RIN2: variants seen among roughly 807,000 people sequenced by gnomAD.
RIN2 encodes RAB5 interacting protein 2.
In RIN2, 36 loss-of-function variants were observed where a neutral mutation model predicts 78.0. The observed-to-expected ratio is 0.46, with a 90% CI of 0.35 to 0.61. The LOEUF (loss-of-function observed/expected upper bound fraction) is 0.61. Among genes scored for constraint, RIN2 ranks in the 20% least tolerant of loss-of-function variants. The pLI is 0.00. For synonymous variants in RIN2, 466 were observed against 466.8 expected (o/e 1.00, Z 0.02); for missense variants, 1,087 against 1,159.7 (o/e 0.94, Z 0.91).
At chr20:19,963,270 C>T (rs1052099318) in intron 6 of RIN2, among the ~76,000 whole-genome samples, 11 of 151,860 alleles carry the variant, frequency 7.2e-5, no homozygotes, top group African/African-American at 4.8e-5. Context: ...ATATGTGTAG[C>T]GGTATGGATG....
intron 4 of RIN2, among the ~76,000 whole-genome samples, chr20:19,936,773 G>C (rs2040661912): frequency 6.6e-6 from 1 of 152,176 alleles, no homozygotes; most frequent in Admixed American, 6.5e-5. Context: ...ACTGTAAGCA[G>C]TCCACAACAG....
At chr20:19,836,815 T>C (rs1037291212) in intron 2 of RIN2, among the ~76,000 whole-genome samples, 12 of 152,216 alleles carry the variant, frequency 7.9e-5, no homozygotes, top group Non-Finnish European at 1.2e-4. Flanking sequence ...CCTATAATCT[T>C]GCTGAACTTA....
chr20:19,772,516 T>C (rs1301224828), intron 1 of RIN2, among the ~76,000 whole-genome samples: 1 of 152,160 alleles, frequency 6.6e-6, no homozygotes, highest in Non-Finnish European at 1.5e-5. Flanking sequence ...GACTGAACAG[T>C]TTGGGTGCCA....
rs71198030 is a variant in RIN2 at position 19,869,792 on chromosome 20, TTTTA to T, written c.-36-19735_-36-19732del. On this transcript the variant is annotated intron_variant, in intron 2 of 12. Coordinates refer to ENST00000255006, the MANE Select transcript of RIN2 (RefSeq NM_018993.4). Reference sequence around the variant, plus strand: ...GGTGTGCACCACCATGCCTGGCTAATTTTATTTATTTATTTATTTATTTATTTAT... The same window carrying T: ...GGTGTGCACCACCATGCCTGGCTAATTTTATTTATTTATTTATTTATTTAT... 5.3e-3 allele frequency among the ~76,000 whole-genome samples: 723 copies of T among 136,436 alleles called. 3 individuals carry two copies. Among genetic ancestry groups the T allele is most frequent in the East Asian group, 0.011 (49 of 4,586 alleles). The allele number at this position is 136,436 out of a possible 152,430, so 89.5% of individuals were successfully genotyped here.
chr20:19,921,143 A>C (rs2039900857), intron 3 of RIN2, among the ~76,000 whole-genome samples: 1 of 152,188 alleles, frequency 6.6e-6, no homozygotes, highest in Non-Finnish European at 1.5e-5. Context: ...GGCAAGGTGG[A>C]GCCCACTTTG....
intron 4 of RIN2, among the ~76,000 whole-genome samples, chr20:19,948,339 C>T (rs531955192): frequency 2.6e-4 from 40 of 152,240 alleles, no homozygotes; most frequent in South Asian, 4.1e-4. Flanking sequence ...TAAACCAATC[C>T]CATCCTAGCT....
At chr20:19,766,424 G>A (rs1226951310) in intron 1 of RIN2, among the ~76,000 whole-genome samples, 5 of 152,030 alleles carry the variant, frequency 3.3e-5, no homozygotes, top group Admixed American at 1.3e-4. Flanking sequence ...CAAAGAACAG[G>A]GCTAGGAAAG....
In RIN2 at chr20:19,785,947, T is replaced by C. The variant is rs1019169482; in HGVS notation, c.-162-13675T>C. The stretch of plus-strand genomic sequence containing the variant: ...GTAACACATGTGATAGTTTCTTCCC[T>C]GCCTCTGTGTGACCACAAGCAGCTT... On this transcript the variant is annotated intron_variant, in intron 1 of 12. Transcript: ENST00000255006. Among the ~76,000 whole-genome samples, 9 of 152,256 alleles carry C rather than the reference T, an allele frequency of 5.9e-5. No individual in the cohort carries two copies. The East Asian group carries it at 1.7e-3, about 29-fold the overall frequency.
Position 19,992,282 on chromosome 20 carries a change from C to A in RIN2, c.2183C>A (p.Ser728Ter). Residue 728 changes from serine to a stop codon, truncating the protein, a stop_gained, in exon 11 of 13, where the codon TCG becomes TAG. Transcript: ENST00000255006. LOFTEE classifies it high-confidence loss of function. ...TACATGATGGAGCTCCTAGACCCATCGCTGTTACATGGAGAAGGTAACTGC... is the reference window on the plus strand; with the variant it reads ...TACATGATGGAGCTCCTAGACCCATAGCTGTTACATGGAGAAGGTAACTGC... Reference protein sequence around the residue: ...IEYMMELLDPSLLHGEGGYYL... With the variant: ...IEYMMELLDP The A allele has an allele frequency of 6.4e-7, 1 of 1,571,154 alleles. No individual in the cohort carries two copies. Among genetic ancestry groups the A allele is most frequent in the Non-Finnish European group, 8.6e-7 (1 of 1,156,924 alleles).
intron 2 of RIN2, among the ~76,000 whole-genome samples, chr20:19,813,582 C>A (rs2035670735): frequency 6.7e-6 from 1 of 150,264 alleles, no homozygotes; most frequent in Non-Finnish European, 1.5e-5. Context: ...ATAGGAATTA[C>A]AAAATGAAGT....
chr20:19,874,074 GTGTGTGTGTGTT>G (rs1309902093), intron 2 of RIN2, among the ~76,000 whole-genome samples: 1 of 151,950 alleles, frequency 6.6e-6, no homozygotes, highest in Non-Finnish European at 1.5e-5. Context: ...GTGTGTGTGT[GTGTGTGTGTGTT>G]TGTGTGTGTT....
chr20:19,862,610 AAACAAACAAAC>A (rs2037377813), intron 2 of RIN2, among the ~76,000 whole-genome samples: 1 of 152,058 alleles, frequency 6.6e-6, no homozygotes, highest in African/African-American at 2.4e-5. Flanking sequence ...ACAAACAAAC[AAACAAACAAAC>A]AAGCAAAAAC....
Position 19,975,893 on chromosome 20 carries a change from C to A in RIN2, c.1762+106C>A. On this transcript the variant is annotated intron_variant, in intron 9 of 12. Coordinates refer to ENST00000255006, the MANE Select transcript of RIN2 (RefSeq NM_018993.4). The surrounding 1 kb of genome is among the most constrained non-coding windows in gnomAD (Gnocchi z 4.9). ...AAGTTTACTCCGAAGTTCAAAACAA[C>A]ACCCAGCTCCACCTTCTCTCCCGGT... 1.0e-6 allele frequency: 1 copy of A among 997,636 alleles called. No individual in the cohort carries two copies. The highest frequency in any genetic ancestry group is 1.5e-6 in the Non-Finnish European group (1 of 647,994). The allele number at this position is 997,636 out of a possible 1,614,324, so 61.8% of individuals were successfully genotyped here.
intron 3 of RIN2, among the ~76,000 whole-genome samples, chr20:19,902,668 G>A (rs1429703474): frequency 6.6e-6 from 1 of 152,158 alleles, no homozygotes; most frequent in Non-Finnish European, 1.5e-5. Context: ...TCTAAGGAAG[G>A]TGGGGTTGCA....
intron 3 of RIN2, among the ~76,000 whole-genome samples, chr20:19,932,528 G>A (rs765618406): frequency 2.6e-5 from 4 of 151,950 alleles, no homozygotes; most frequent in South Asian, 4.2e-4. Context: ...TTCCTCTCTC[G>A]AGGCCCCAGT....
intron 2 of RIN2, among the ~76,000 whole-genome samples, chr20:19,874,226 C>A (rs1299456233): frequency 6.6e-6 from 1 of 152,154 alleles, no homozygotes; most frequent in Non-Finnish European, 1.5e-5. Context: ...GTGCTGTTGA[C>A]TATGACTTCA....
intron 1 of RIN2, among the ~76,000 whole-genome samples, chr20:19,781,482 G>C (rs1261979358): frequency 6.6e-6 from 1 of 152,182 alleles, no homozygotes; most frequent in Non-Finnish European, 1.5e-5. Flanking sequence ...CCTTTACCAA[G>C]TGACACGATT....
rs188162664 is a variant in RIN2 at position 19,824,489 on chromosome 20, G to A, written c.-37+24742G>A. On this transcript the variant is annotated intron_variant, in intron 2 of 12. Transcript: ENST00000255006. Reference sequence around the variant, plus strand: ...GGTGTAGATTTATGGTGTATCTAGTGACACTCATGTCCTTCAAGGCCCTTC... The same window carrying A: ...GGTGTAGATTTATGGTGTATCTAGTAACACTCATGTCCTTCAAGGCCCTTC... 6.6e-5 allele frequency among the ~76,000 whole-genome samples: 10 copies of A among 151,584 alleles called. No individual in the cohort carries two copies. The East Asian group carries it at 1.6e-3, about 24-fold the overall frequency.
chr20:19,822,414 A>C (rs1006915113), intron 2 of RIN2, among the ~76,000 whole-genome samples: 110 of 152,332 alleles, frequency 7.2e-4, no homozygotes, highest in African/African-American at 2.6e-3. Flanking sequence ...GGAAGAGCCC[A>C]TTATCTGTAT....
Sources: gnomAD v4.1 joint callset for allele counts (sites outside exome capture counted in the v4.1 genomes callset) on GRCh38, gnomAD v4.1.1 for gene constraint, Gnocchi (gnomAD v3.1) non-coding constraint, MANE v1.5 for transcripts, NCBI Gene and HGNC (gene_info 2026-07-23, HGNC 2026-07-21) for gene names.